The following LRRC8D variants were observed in gnomAD, a reference collection of about 807,000 sequenced individuals.
LRRC8D encodes leucine rich repeat containing 8 VRAC subunit D, also known as volume-regulated anion channel subunit LRRC8D.
In LRRC8D, 20 loss-of-function variants were observed where a neutral mutation model predicts 55.8. The observed-to-expected ratio is 0.36, with a 90% CI of 0.25 to 0.52. The LOEUF is 0.52. LRRC8D is among the 20% of genes least tolerant of loss of function. LRRC8D has a pLI of 0.93. For missense variants in LRRC8D, 651 were observed against 1,030.8 expected (o/e 0.63, Z 5.05); for synonymous variants, 352 against 377.0 (o/e 0.93, Z 0.77).
intron 2 of LRRC8D, among the ~76,000 whole-genome samples, chr1:89,893,044 G>C (rs1010900177): frequency 6.6e-6 from 1 of 152,122 alleles, no homozygotes; most frequent in East Asian, 1.9e-4. Flanking sequence ...GCTGAGAATA[G>C]AGTGTGAACA....
chr1:89,887,586 C>G (rs1231567470), intron 2 of LRRC8D, among the ~76,000 whole-genome samples: 5 of 152,228 alleles, frequency 3.3e-5, no homozygotes, highest in Admixed American at 3.3e-4. Context: ...AGTAACTAAA[C>G]TAGTTATCTT....
At chr1:89,846,566 T>C (rs1402123407) in intron 2 of LRRC8D, 1 of 152,154 alleles carries the variant, frequency 6.6e-6, no homozygotes, top group Non-Finnish European at 1.5e-5. Flanking sequence ...ATTCAGGTGG[T>C]CCTTTGCCAT....
chr1:89,884,530 C>T (rs1662365426), intron 2 of LRRC8D, among the ~76,000 whole-genome samples: 1 of 152,126 alleles, frequency 6.6e-6, no homozygotes, highest in Non-Finnish European at 1.5e-5. Context: ...TGGCGAAGAG[C>T]AGGTTCCTTC....
chr1:89,895,353 C>T (rs977829535), intron 2 of LRRC8D, among the ~76,000 whole-genome samples: 1 of 152,104 alleles, frequency 6.6e-6, no homozygotes. Flanking sequence ...TTTCTTCAAG[C>T]TATCATAAAC....
At chr1:89,877,305 G>T (rs561941050) in intron 2 of LRRC8D, among the ~76,000 whole-genome samples, 1 of 150,744 alleles carries the variant, frequency 6.6e-6, no homozygotes, top group East Asian at 1.9e-4. Context: ...ACAGCTTTTT[G>T]ACCTTGGTCA....
intron 2 of LRRC8D, among the ~76,000 whole-genome samples, chr1:89,927,970 G>A (rs1663610447): frequency 6.6e-6 from 1 of 152,204 alleles, no homozygotes; most frequent in Admixed American, 6.5e-5. Flanking sequence ...TGTTCTTCAA[G>A]GGTGAGAGTA....
At chr1:89,892,459 CA>C (rs1662601548) in intron 2 of LRRC8D, among the ~76,000 whole-genome samples, 2 of 152,276 alleles carry the variant, frequency 1.3e-5, no homozygotes, top group African/African-American at 4.8e-5. Flanking sequence ...CATTATTTAG[CA>C]CTCTAGGTGC....
intron 2 of LRRC8D, among the ~76,000 whole-genome samples, chr1:89,902,220 G>T (rs1662876346): frequency 6.6e-6 from 1 of 152,250 alleles, no homozygotes; most frequent in Non-Finnish European, 1.5e-5. Context: ...AGATGCTCCT[G>T]CAGCAGGGAC....
Position 89,934,724 on chromosome 1 carries a change from T to C in LRRC8D, c.1656T>C (p.Ile552=), listed in dbSNP as rs745426435. ...LHVKFTDVAE[I]PAWVYLLKNL... is the part of the protein sequence containing the mutation. Reference sequence around the variant, plus strand: ...TGAAGTTCACTGATGTGGCTGAAATTCCTGCCTGGGTGTATTTGCTCAAAA... The same window carrying C: ...TGAAGTTCACTGATGTGGCTGAAATCCCTGCCTGGGTGTATTTGCTCAAAA... Residue 552 remains isoleucine (I), a synonymous_variant, in exon 3 of 3, where the codon ATT becomes ATC. Coordinates refer to ENST00000337338, the MANE Select transcript of LRRC8D (RefSeq NM_001134479.2). The surrounding 1 kb of genome is among the most constrained non-coding windows in gnomAD (Gnocchi z 5.9). The C allele has an allele frequency of 1.1e-5, 17 of 1,614,034 alleles. No individual in the cohort carries two copies. Among genetic ancestry groups the C allele is most frequent in the Non-Finnish European group, 1.4e-5 (17 of 1,180,034 alleles).
At chr1:89,852,884 AGGT>A (rs1278166254) in intron 2 of LRRC8D, among the ~76,000 whole-genome samples, 1 of 152,206 alleles carries the variant, frequency 6.6e-6, no homozygotes, top group Non-Finnish European at 1.5e-5. Context: ...AAGAGGCTGG[AGGT>A]GCCTACTGGC....
chr1:89,880,616 A>G (rs1662258661), intron 2 of LRRC8D, among the ~76,000 whole-genome samples: 1 of 152,172 alleles, frequency 6.6e-6, no homozygotes, highest in Admixed American at 6.5e-5. Context: ...TGTAATAAAT[A>G]TTAGTGGATC....
chr1:89,879,229 A>G (rs7532857), intron 2 of LRRC8D, among the ~76,000 whole-genome samples: 6 of 152,204 alleles, frequency 3.9e-5, no homozygotes, highest in Admixed American at 1.3e-4. Context: ...TATAAATTCA[A>G]TGTCTGTTCT....
chr1:89,827,438 C>T (rs1660792448), intron 1 of LRRC8D, among the ~76,000 whole-genome samples: 1 of 151,984 alleles, frequency 6.6e-6, no homozygotes, highest in South Asian at 2.1e-4. Context: ...TCGTGGGCAC[C>T]TAACCTTCAG....
intron 2 of LRRC8D, among the ~76,000 whole-genome samples, chr1:89,890,106 G>T (rs1662538453): frequency 1.3e-5 from 2 of 152,226 alleles, no homozygotes; most frequent in Admixed American, 1.3e-4. Context: ...AGAATGCCAT[G>T]AAACCGGGAG....
intron 2 of LRRC8D, among the ~76,000 whole-genome samples, chr1:89,919,838 A>T (rs2100967851): frequency 6.6e-6 from 1 of 152,284 alleles, no homozygotes; most frequent in South Asian, 2.1e-4. Context: ...TCCCTTTTTA[A>T]TCCCCAGAAC....
intron 2 of LRRC8D, among the ~76,000 whole-genome samples, chr1:89,877,966 T>C (rs1662189133): frequency 1.3e-5 from 2 of 152,356 alleles, no homozygotes; most frequent in South Asian, 2.1e-4. Flanking sequence ...TTATAGAAGC[T>C]GAGCAGGACT....
intron 1 of LRRC8D, among the ~76,000 whole-genome samples, chr1:89,834,607 T>G (rs1273195271): frequency 6.6e-6 from 1 of 152,234 alleles, no homozygotes; most frequent in East Asian, 1.9e-4. Context: ...GTAAACAGTT[T>G]AGTATAATTC....
chr1:89,822,869 G>C (rs901242347), intron 1 of LRRC8D, among the ~76,000 whole-genome samples: 3 of 152,166 alleles, frequency 2.0e-5, no homozygotes, highest in Non-Finnish European at 4.4e-5. Context: ...TGCTTCATCT[G>C]TCTTGACACC....
intron 2 of LRRC8D, among the ~76,000 whole-genome samples, chr1:89,881,235 G>A (rs1190328619): frequency 6.6e-6 from 1 of 152,166 alleles, no homozygotes; most frequent in East Asian, 1.9e-4. Flanking sequence ...CAGCCAACAG[G>A]AAGGCTGGTA....
Sources: allele counts gnomAD v4.1 joint callset (sites outside exome capture counted in the v4.1 genomes callset), GRCh38; gene constraint gnomAD v4.1.1; non-coding constraint Gnocchi (gnomAD v3.1); transcripts MANE v1.5; gene names NCBI Gene and HGNC (gene_info 2026-07-23, HGNC 2026-07-21).